WBP2: variants seen among roughly 807,000 people sequenced by gnomAD.
WBP2 encodes WW domain binding protein 2.
In WBP2, 23 loss-of-function variants were observed where a neutral mutation model predicts 33.0. The observed-to-expected ratio is 0.70, with a 90% CI of 0.50 to 0.99. The LOEUF is 0.99. Among genes scored for constraint, WBP2 ranks in the 50% least tolerant of loss-of-function variants. WBP2 has a pLI of 0.00. For missense variants in WBP2, 353 were observed against 358.0 expected, an observed-to-expected ratio of 0.99 and a Z score of 0.11; for synonymous variants, 153 against 133.5, an observed-to-expected ratio of 1.15 and a Z score of -1.01.
At chr17:75,855,865 A>G (rs1223016886), upstream of WBP2, among the ~76,000 whole-genome samples, 2 of 152,220 alleles carry the variant, frequency 1.3e-5, no homozygotes, top group Non-Finnish European at 2.9e-5. Flanking sequence ...GCTGAGCCGG[A>G]GGCCCCGGCT....
intron 1 of WBP2, chr17:75,852,844 G>C: frequency 3.1e-6 from 3 of 971,174 alleles, no homozygotes; most frequent in Non-Finnish European, 3.7e-6. Context: ...ATGTCTAAGA[G>C]ATGACTGTAC....
At chr17:75,848,504 C>G in intron 4 of WBP2, 66 bp downstream of exon 4, 1 of 1,489,588 alleles carries the variant, frequency 6.7e-7, no homozygotes, top group South Asian at 1.2e-5. Context: ...GAAAAGGAAG[C>G]AAACTCATAC....
intron 1 of WBP2, among the ~76,000 whole-genome samples, chr17:75,854,583 G>C (rs965098625): frequency 3.3e-5 from 5 of 152,176 alleles, no homozygotes; most frequent in South Asian, 4.1e-4. Context: ...GCCAGGAACT[G>C]TTAGACACCT....
At chr17:75,855,165 CCA>C in intron 1 of WBP2, 72 bp downstream of exon 1, 2 of 869,098 alleles carry the variant, frequency 2.3e-6, no homozygotes, top group South Asian at 1.4e-5. Context: ...TTATTCCCCA[CCA>C]CCCACCACCC....
At position 75,846,918 on chromosome 17, in the gene WBP2, T is replaced by C. The variant is rs758937271; in HGVS notation, c.722A>G (p.Tyr241Cys). ...YYNPGNPHNV[Y>C]MPTSQPPPPP... Reference sequence around the variant, plus strand: ...GCCAAGCCCTCTCACCGTGGGCATGTAGACGTTGTGAGGATTGCCTGGGTT... The same window carrying C: ...GCCAAGCCCTCTCACCGTGGGCATGCAGACGTTGTGAGGATTGCCTGGGTT... Residue 241 changes from tyrosine to cysteine, a missense_variant, in exon 7 of 8, where the codon TAC (tyrosine) becomes TGC (cysteine). Coordinates refer to ENST00000254806, the MANE Select transcript of WBP2 (RefSeq NM_012478.4). The surrounding 1 kb of genome is among the most constrained non-coding windows in gnomAD (Gnocchi z 4.8). The C allele has an allele frequency of 1.2e-5, 19 of 1,614,110 alleles. No individual in the cohort carries two copies. The highest frequency in any genetic ancestry group is 1.5e-5 in the Non-Finnish European group (18 of 1,179,992).
upstream of WBP2, chr17:75,855,607 T>C: frequency 8.1e-6 from 3 of 368,474 alleles, no homozygotes; most frequent in Non-Finnish European, 1.5e-5. Context: ...CTGAATTGGT[T>C]CCACATTTTG....
chr17:75,856,112 CTG>C (rs1272799220), upstream of WBP2: 1 of 152,304 alleles, frequency 6.6e-6, no homozygotes, highest in Non-Finnish European at 1.5e-5. Context: ...AGACTGAAGG[CTG>C]AGTGGGACTG....
In WBP2 at chr17:75,849,438, C is replaced by T; in HGVS notation, c.304+166G>A. The T allele has an allele frequency of 3.8e-6, 3 of 787,750 alleles. No homozygotes were observed. The South Asian group carries it at 5.5e-5, about 14-fold the overall frequency. The allele number at this position is 787,750 out of a possible 1,614,324, so 48.8% of individuals were successfully genotyped here. ...TGCTGTCTTTCATGCCAGCATTTTC[C>T]CCACCTCTTGGCAATCAAACCCCAC... On this transcript the variant is annotated intron_variant, in intron 3 of 7. Transcript: ENST00000254806.
rs763464037 is a variant in WBP2 at position 75,847,030 on chromosome 17, CCT to C, written c.656-48_656-47del. On this transcript the variant is annotated intron_variant, in intron 6 of 7. Coordinates refer to ENST00000254806, the MANE Select transcript of WBP2 (RefSeq NM_012478.4). The stretch of plus-strand genomic sequence containing the variant: ...GGTGTCGGTGACAAGTTCTCCTCCC[CCT>C]GAGCTCAGCTAAGAGACCCCGGGCC... The C allele has an allele frequency of 6.8e-6, 11 of 1,610,974 alleles. No individual in the cohort carries two copies. In the African/African-American group the frequency reaches 8.0e-5, roughly 12 times the overall value.
chr17:75,848,675 G>C lies in WBP2; in HGVS notation c.305-13C>G. 6.2e-7 allele frequency: 1 copy of C among 1,607,994 alleles called. No homozygotes were observed. Among genetic ancestry groups the C allele is most frequent in the Non-Finnish European group, 8.5e-7 (1 of 1,175,590 alleles). On this transcript the variant is annotated splice_polypyrimidine_tract_variant and intron_variant, in intron 3 of 7. Transcript: ENST00000254806. ...CCTTCCCAGCCACCTGAAAGGGGAA[G>C]GACAGTGAATAAACAGCACAGGAAA... is the stretch of plus-strand genomic sequence containing the variant.
chr17:75,853,889 CA>C (rs1224785273), intron 1 of WBP2, among the ~76,000 whole-genome samples: 30 of 151,690 alleles, frequency 2.0e-4, no homozygotes, highest in African/African-American at 6.8e-4. Context: ...ACTAAAAATA[CA>C]AAAAATTAGC....
At chr17:75,850,880 G>C (rs1370681140) in intron 2 of WBP2, among the ~76,000 whole-genome samples, 1 of 152,096 alleles carries the variant, frequency 6.6e-6, no homozygotes, top group Non-Finnish European at 1.5e-5. Context: ...TTTTTGTAGA[G>C]ATGGGGTTTT....
intron 6 of WBP2, 49 bp downstream of exon 6, chr17:75,847,438 G>A: frequency 1.9e-6 from 3 of 1,570,586 alleles, no homozygotes; most frequent in Non-Finnish European, 1.7e-6. Context: ...GCGACATCGG[G>A]GAGGAGAGGG....
At position 75,851,516 on chromosome 17, in the gene WBP2, C is replaced by T. The variant is rs574981536; in HGVS notation, c.168+52G>A. The T allele has an allele frequency of 3.4e-5, 48 of 1,421,174 alleles. 1 individual carries two copies. The African/African-American group carries it at 6.3e-4, about 19-fold the overall frequency. 88.0% of individuals were successfully genotyped at this position (1,421,174 alleles called of 1,614,324 possible). A position where few individuals can be genotyped will look rare whatever the true frequency, so the allele number is the denominator to read the frequency against. On this transcript the variant is annotated intron_variant, in intron 2 of 7. Transcript: ENST00000254806. Reference sequence around the variant, plus strand: ...GCAGACCTGAGACTAAGACTCACGTCACCTCCAACAGCAACAAGCCTCTCA... The same window carrying T: ...GCAGACCTGAGACTAAGACTCACGTTACCTCCAACAGCAACAAGCCTCTCA...
chr17:75,846,689 G>A lies in WBP2; in HGVS notation c.*45C>T, dbSNP rs1463081603. ...GCCCCAGCACAGCCCCGATGGGAGG[G>A]GTAGGGTAGAGAGATGAGGGTGGGA... On this transcript the variant is annotated 3_prime_UTR_variant, in exon 8 of 8. Coordinates refer to ENST00000254806, the MANE Select transcript of WBP2 (RefSeq NM_012478.4). The surrounding 1 kb of genome is among the most constrained non-coding windows in gnomAD (Gnocchi z 4.8). The A allele has an allele frequency of 1.3e-6, 2 of 1,504,842 alleles. 1 individual carries two copies. The highest frequency in any genetic ancestry group is 2.6e-5 in the South Asian group (2 of 76,882). 93.2% of individuals were successfully genotyped at this position (1,504,842 alleles called of 1,614,324 possible).
At chr17:75,852,070 C>T (rs1042908818) in intron 1 of WBP2, 5 of 175,832 alleles carry the variant, frequency 2.8e-5, no homozygotes, top group African/African-American at 9.4e-5. Flanking sequence ...CGCCACTGAA[C>T]TCCAGCCTGG....
chr17:75,846,809 G>C lies in WBP2; in HGVS notation c.733-22C>G. 1 of 1,587,198 alleles carries C rather than the reference G, an allele frequency of 6.3e-7. No individual in the cohort carries two copies. The highest frequency in any genetic ancestry group is 8.6e-7 in the Non-Finnish European group (1 of 1,165,044). On this transcript the variant is annotated intron_variant, in intron 7 of 7. Coordinates refer to ENST00000254806, the MANE Select transcript of WBP2 (RefSeq NM_012478.4). This position sits in a 1 kb window ranked among gnomAD's most constrained non-coding sequence, Gnocchi z 4.8. ...GGCTCTAAAGAAGGGAGAAAGGAGA[G>C]ACTTGCATTAGAAGGTTTAAAACAT... is the stretch of plus-strand genomic sequence containing the variant.
chr17:75,846,754 C>G lies in WBP2; in HGVS notation c.766G>C (p.Glu256Gln). The G allele has an allele frequency of 1.3e-6, 2 of 1,533,834 alleles. No homozygotes were observed. Among genetic ancestry groups the G allele is most frequent in the Non-Finnish European group, 1.8e-6 (2 of 1,139,156 alleles). The change falls in exon 8 of 8, where the codon GAA (glutamate) becomes CAA (glutamine). Residue 256 changes from glutamate to glutamine, a missense_variant. Glu to Gln is a conservative substitution (Grantham distance 29, BLOSUM62 2). Transcript: ENST00000254806. This position sits in a 1 kb window ranked among gnomAD's most constrained non-coding sequence, Gnocchi z 4.8. The part of the protein sequence containing the change: ...QPPPPPYYPP[E>Q]DKKTQ The stretch of plus-strand genomic sequence containing the variant: ...AGGGCCTACTGGGTCTTCTTATCTT[C>G]CGGTGGGTAGTAGGGAGGTGGCGGC...
At chr17:75,854,042 C>CT (rs1248345862) in intron 1 of WBP2, among the ~76,000 whole-genome samples, 10 of 69,882 alleles carry the variant, frequency 1.4e-4, no homozygotes, top group Non-Finnish European at 2.0e-4. Context: ...AAGCCTCCAT[C>CT]TAAAAAAAAA....
Sources: allele counts gnomAD v4.1 joint callset (sites outside exome capture counted in the v4.1 genomes callset), GRCh38; gene constraint gnomAD v4.1.1; non-coding constraint Gnocchi (gnomAD v3.1); transcripts MANE v1.5; gene names NCBI Gene and HGNC (gene_info 2026-07-23, HGNC 2026-07-21).